Variants in TEP1 observed in about 807,000 individuals in gnomAD.
TEP1 encodes the protein telomerase protein component 1.
TEP1 carries 241 observed loss-of-function variants against 306.3 expected under a neutral mutation model. The ratio of observed to expected loss-of-function variants is 0.79; its 90% CI spans 0.71 to 0.88. TEP1 has a LOEUF of 0.88. TEP1 is among the 40% of genes least tolerant of loss of function. The pLI is 0.00. For missense variants in TEP1, 3,051 were observed against 3,276.1 expected, an observed-to-expected ratio of 0.93 and a Z score of 1.68; for synonymous variants, 1,289 against 1,305.5, an observed-to-expected ratio of 0.99 and a Z score of 0.27.
At chr14:20,374,397 A>AC (rs34475416) in intron 44 of TEP1, 32 bp downstream of exon 44, 32,237 of 1,543,062 alleles carry the variant, frequency 0.021, 447 homozygotes, top group Non-Finnish European at 0.023. Flanking sequence ...CCTTCCAGAG[A>AC]CCCCCCAGTG....
Position 20,373,808 on chromosome 14 carries a change from CT to C in TEP1, c.6473del (p.Glu2158GlyfsTer7). On this transcript the variant is annotated frameshift_variant and splice_region_variant, in exon 45 of 55. Transcript: ENST00000262715. LOFTEE classifies it high-confidence loss of function. ...QSAVSAVAAV[E>X]EHVVSVSRDG... ...CCCGGCTCACAGACACCACGTGCTC[CT>C]CCTGCCCACAGAGCACAAGATCAGA... The C allele has an allele frequency of 6.2e-7, 1 of 1,612,694 alleles. No individual in the cohort carries two copies. Among genetic ancestry groups the C allele is most frequent in the Non-Finnish European group, 8.5e-7 (1 of 1,179,808 alleles).
At chr14:20,370,024 CT>C (rs1884741727) in intron 51 of TEP1, among the ~76,000 whole-genome samples, 1 of 152,036 alleles carries the variant, frequency 6.6e-6, no homozygotes, top group African/African-American at 2.4e-5. Flanking sequence ...AGCGATTATC[CT>C]GCCTCAGCCT....
chr14:20,397,749 A>G (rs1044000898), intron 9 of TEP1, among the ~76,000 whole-genome samples: 6 of 151,914 alleles, frequency 3.9e-5, no homozygotes, highest in Admixed American at 6.6e-5. Flanking sequence ...TCTTCAAGCC[A>G]TAGTTTCTTT....
chr14:20,384,839 A>G, intron 21 of TEP1, 126 bp from the exon 22 acceptor site: 6 of 1,487,824 alleles, frequency 4.0e-6, no homozygotes, highest in Non-Finnish European at 5.5e-6. Context: ...CTCCAGCACC[A>G]AGGCTGACGT....
Position 20,391,688 on chromosome 14 carries a change from T to C in TEP1, c.2008A>G (p.Ser670Gly). The change falls in exon 13 of 55, where the codon AGC becomes GGC. Residue 670 changes from serine to glycine, a missense_variant. By Grantham distance (56) the Ser-to-Gly change is moderately conservative. Coordinates refer to ENST00000262715, the MANE Select transcript of TEP1 (RefSeq NM_007110.5). ...ETAVNLSVKHSLPLLPGRTVL... is the reference protein window; with the variant it reads ...ETAVNLSVKHGLPLLPGRTVL... ...GTGCGGCCTGGCAGCAGGGGCAGGCTGTGCTTCACAGAGAGGTTCACAGCT... is the reference window on the plus strand; with the variant it reads ...GTGCGGCCTGGCAGCAGGGGCAGGCCGTGCTTCACAGAGAGGTTCACAGCT... 6.2e-7 allele frequency: 1 copy of C among 1,614,242 alleles called. No individual in the cohort carries two copies. The highest frequency in any genetic ancestry group is 8.5e-7 in the Non-Finnish European group (1 of 1,180,038).
At position 20,379,122 on chromosome 14, in the gene TEP1, G is replaced by A. The variant is rs368210431; in HGVS notation, c.5128-17C>T. ...CTTCTCCTCCTGCGACAGTGGGTGA[G>A]GGAGCGCAGCTCAGGCCATCCCCTT... On this transcript the variant is annotated splice_polypyrimidine_tract_variant and intron_variant, in intron 35 of 54. Coordinates refer to ENST00000262715, the MANE Select transcript of TEP1 (RefSeq NM_007110.5). 5.6e-6 allele frequency: 9 copies of A among 1,613,050 alleles called. No homozygotes were observed. The African/African-American group carries it at 1.1e-4, about 19-fold the overall frequency.
rs376036773 is a variant in TEP1, at chr14:20,384,059, T to A, written c.3513A>T (p.Gly1171=). The A allele has an allele frequency of 3.7e-6, 6 of 1,611,156 alleles. 1 individual carries two copies. In the African/African-American group the frequency reaches 8.0e-5, roughly 22 times the overall value. Residue 1171 remains glycine (G), a synonymous_variant, in exon 24 of 55, where the codon GGA becomes GGT. Transcript: ENST00000262715. ...GTACCAGGAAGGCTGTCTTGCCCTG[T>A]CCTGACTGCCCCGTCACCAGGCTCA... ...GRLSLVTGQS[G]QGKTAFLASL...
intron 38 of TEP1, 39 bp from the exon 39 acceptor site, chr14:20,378,275 T>C: frequency 6.2e-7 from 1 of 1,612,952 alleles, no homozygotes; most frequent in Non-Finnish European, 8.5e-7. Context: ...GAAGACCTGC[T>C]CTCAGCAAAA....
intron 1 of TEP1, among the ~76,000 whole-genome samples, chr14:20,408,728 G>A (rs540272477): frequency 1.4e-3 from 218 of 152,144 alleles, no homozygotes; most frequent in African/African-American, 4.8e-3. Context: ...AACACTTTGG[G>A]AGCTGAGGCA....
At chr14:20,396,001 G>A (rs774568631) in intron 10 of TEP1, 52 bp from the exon 11 acceptor site, 7 of 1,379,826 alleles carry the variant, frequency 5.1e-6, no homozygotes, top group South Asian at 3.5e-5. Flanking sequence ...GGAGTATGGG[G>A]GGCTTCAGGG....
intron 35 of TEP1, 42 bp from the exon 36 acceptor site, chr14:20,379,147 T>C: frequency 1.9e-6 from 3 of 1,607,374 alleles, no homozygotes; most frequent in Middle Eastern, 1.7e-4. Flanking sequence ...GCCATCCCCT[T>C]GACCCTCCAA....
chr14:20,368,236 T>C lies in TEP1; in HGVS notation c.*201A>G. 1 of 466,270 alleles carries C rather than the reference T, an allele frequency of 2.1e-6. No individual in the cohort carries two copies. The highest frequency in any genetic ancestry group is 4.6e-5 in the South Asian group (1 of 21,718). The allele number at this position is 466,270 out of a possible 1,614,324, so 28.9% of individuals were successfully genotyped here. ...GAATAAGAAGAGACACACATTAGAA[T>C]GTACATATACATACACATAGAATAT... On this transcript the variant is annotated 3_prime_UTR_variant, in exon 55 of 55. Coordinates refer to ENST00000262715, the MANE Select transcript of TEP1 (RefSeq NM_007110.5).
Position 20,391,571 on chromosome 14 carries a change from C to A in TEP1, c.2097+28G>T, listed in dbSNP as rs1332916408. On this transcript the variant is annotated intron_variant, in intron 13 of 54. Coordinates refer to ENST00000262715, the MANE Select transcript of TEP1 (RefSeq NM_007110.5). ...TCCCCAGCATTCTACCAACCCAACC[C>A]CTTGGAGGATGCTTTTTGTTTTCTT... 3.1e-6 allele frequency: 5 copies of A among 1,602,218 alleles called. No individual in the cohort carries two copies. In the African/African-American group the frequency reaches 4.0e-5, roughly 13 times the overall value.
chr14:20,403,744 G>A lies in TEP1; in HGVS notation c.1173C>T (p.Pro391=). 6.2e-7 allele frequency: 1 copy of A among 1,613,940 alleles called. No individual in the cohort carries two copies. The highest frequency in any genetic ancestry group is 1.3e-5 in the African/African-American group (1 of 75,034). Residue 391 remains proline (P), a synonymous_variant, in exon 6 of 55, where the codon CCC becomes CCT. Coordinates refer to ENST00000262715, the MANE Select transcript of TEP1 (RefSeq NM_007110.5). Reference sequence around the variant, plus strand: ...TGACTGGAGAGCGGGGTGGCCGGCGGGGGTGTCTCTTGGCCCGGTGCTTCC... The same window carrying A: ...TGACTGGAGAGCGGGGTGGCCGGCGAGGGTGTCTCTTGGCCCGGTGCTTCC... ...NPRKHRAKRH[P]RRPPRSPGME...
At chr14:20,410,430 CCTT>C (rs1393279579) in intron 1 of TEP1, among the ~76,000 whole-genome samples, 4 of 151,886 alleles carry the variant, frequency 2.6e-5, no homozygotes, top group Non-Finnish European at 5.9e-5. Context: ...TAGTGAGACT[CCTT>C]TTTTTTTGAG....
Position 20,403,832 on chromosome 14 carries a change from C to A in TEP1, c.1085G>T (p.Arg362Leu), listed in dbSNP as rs149521092. The A allele has an allele frequency of 4.3e-6, 7 of 1,613,986 alleles. No individual in the cohort carries two copies. The Admixed American group carries it at 5.0e-5, about 12-fold the overall frequency. The change falls in exon 6 of 55, where the codon CGT (arginine) becomes CTT (leucine). Residue 362 changes from arginine to leucine, a missense_variant. Transcript: ENST00000262715. Reference sequence around the variant, plus strand: ...GGCAAATTTGTCCGTCATGGCAGTACGGAGACAGGCGGGCAGGGGCACCAG... The same window carrying A: ...GGCAAATTTGTCCGTCATGGCAGTAAGGAGACAGGCGGGCAGGGGCACCAG... ...NKLVPLPACL[R>L]TAMTDKFAQF...
In TEP1 at chr14:20,384,663, G is replaced by A; in HGVS notation, c.3158C>T (p.Ala1053Val). ...CTTCAGTTCTGAGATCCGACGTGCG[G>A]CCTCTTCAGACTCAGAAACAAAGTC... ...KSDFVSESEE[A>V]ARRISELKSY... The change falls in exon 22 of 55, where the codon GCC becomes GTC. Residue 1053 changes from alanine to valine, a missense_variant. This residue lies in a region of TEP1 where 1,507 missense variants were observed against 1,550.5 expected (regional missense o/e 0.97). Transcript: ENST00000262715. 1.9e-6 allele frequency: 3 copies of A among 1,613,504 alleles called. No homozygotes were observed. Among genetic ancestry groups the A allele is most frequent in the East Asian group, 2.2e-5 (1 of 44,862 alleles).
intron 1 of TEP1, among the ~76,000 whole-genome samples, chr14:20,409,978 G>A (rs192741156): frequency 4.8e-3 from 602 of 124,640 alleles, no homozygotes; most frequent in Middle Eastern, 0.016. Context: ...GCCCAGATTG[G>A]CCACTGCACT....
At chr14:20,378,338 T>C (rs772548432) in intron 38 of TEP1, 42 bp downstream of exon 38, 1 of 1,613,250 alleles carries the variant, frequency 6.2e-7, no homozygotes, top group Non-Finnish European at 8.5e-7. Flanking sequence ...TCCACTCCTG[T>C]CCTCCTGTGC....
Sources: gnomAD v4.1 joint callset for allele counts (sites outside exome capture counted in the v4.1 genomes callset) on GRCh38, gnomAD v4.1.1 for gene constraint, gnomAD v4.1.1 regional missense constraint, MANE v1.5 for transcripts, NCBI Gene and HGNC (gene_info 2026-07-23, HGNC 2026-07-21) for gene names.